Variants in NWD2 observed in about 807,000 individuals in gnomAD.
The protein encoded by NWD2 is NACHT and WD repeat domain containing 2, also known as NACHT and WD repeat domain-containing protein 2.
A neutral mutation model predicts 132.7 loss-of-function variants in NWD2; 37 were observed. The ratio of observed to expected loss-of-function variants is 0.28; its 90% CI spans 0.21 to 0.37. NWD2 has a LOEUF of 0.37. Ranked by LOEUF, NWD2 falls within the 10% of genes least tolerant of loss-of-function variation. The pLI is 1.00. For missense variants in NWD2, 1,592 were observed against 2,122.4 expected, an observed-to-expected ratio of 0.75 and a Z score of 4.91; for synonymous variants, 705 against 803.0, an observed-to-expected ratio of 0.88 and a Z score of 2.06.
Position 37,445,613 on chromosome 4 carries a change from G to A in NWD2, c.3625G>A (p.Ala1209Thr). 1.3e-6 allele frequency: 2 copies of A among 1,552,290 alleles called. No homozygotes were observed. Among genetic ancestry groups the A allele is most frequent in the Non-Finnish European group, 1.7e-6 (2 of 1,147,140 alleles). Residue 1209 changes from alanine to threonine, a missense_variant, in exon 7 of 7, where the codon GCC becomes ACC. Around this residue, in one of 7 missense-constraint regions of NWD2, gnomAD observed 1,071 missense variants for 1,398.0 expected, o/e 0.77. Coordinates refer to ENST00000309447, the MANE Select transcript of NWD2 (RefSeq NM_001144990.2). The surrounding 1 kb of genome is among the most constrained non-coding windows in gnomAD (Gnocchi z 4.7). ...EDQSAVLICK[A>T]LSIELLDTGL... ...CCAAAGTGCAGTTCTGATCTGTAAA[G>A]CCCTCAGCATTGAGCTCTTAGATAC...
intron 3 of NWD2, among the ~76,000 whole-genome samples, chr4:37,415,305 A>G (rs1025535046): frequency 1.3e-5 from 2 of 152,202 alleles, no homozygotes; most frequent in African/African-American, 2.4e-5. Flanking sequence ...GTGCATCACA[A>G]TGTGGTTCTA....
At chr4:37,268,738 G>C (rs1275863218) in intron 1 of NWD2, among the ~76,000 whole-genome samples, 1 of 151,346 alleles carries the variant, frequency 6.6e-6, no homozygotes, top group African/African-American at 2.4e-5. Flanking sequence ...TGAGGAATCA[G>C]TGTTTTAAGA....
intron 4 of NWD2, among the ~76,000 whole-genome samples, chr4:37,432,364 GA>G (rs71185140): frequency 0.45 from 62,493 of 138,344 alleles, 14,522 homozygotes; most frequent in Non-Finnish European, 0.54. Context: ...GGGTGAAGAA[GA>G]AAAAAAAAAA....
chr4:37,259,974 T>A (rs1382046959), intron 1 of NWD2, among the ~76,000 whole-genome samples: 1 of 152,248 alleles, frequency 6.6e-6, no homozygotes, highest in Non-Finnish European at 1.5e-5. Context: ...CTGTTTGTAC[T>A]ATGGTCTGGC....
intron 3 of NWD2, among the ~76,000 whole-genome samples, chr4:37,362,996 TATAAAC>T: frequency 1.3e-5 from 2 of 152,056 alleles, no homozygotes; most frequent in South Asian, 4.2e-4. Context: ...GGGCAAAAGA[TATAAAC>T]AGACACTTCT....
intron 1 of NWD2, among the ~76,000 whole-genome samples, chr4:37,283,854 A>G (rs1248014240): frequency 6.6e-6 from 1 of 152,186 alleles, no homozygotes; most frequent in East Asian, 1.9e-4. Context: ...GGAAATCTGG[A>G]TTCTGAGGAA....
chr4:37,361,895 G>T (rs1719989097), intron 3 of NWD2, among the ~76,000 whole-genome samples: 1 of 152,128 alleles, frequency 6.6e-6, no homozygotes, highest in African/African-American at 2.4e-5. Context: ...CTCTCTCCAT[G>T]TATGATGTGA....
chr4:37,253,534 AG>A (rs1252116493), intron 1 of NWD2, among the ~76,000 whole-genome samples: 3 of 152,160 alleles, frequency 2.0e-5, no homozygotes, highest in Non-Finnish European at 4.4e-5. Context: ...AGTTCTGGGA[AG>A]GTTAAATGAG....
intron 3 of NWD2, among the ~76,000 whole-genome samples, chr4:37,406,445 C>A (rs1418075257): frequency 6.6e-6 from 1 of 152,138 alleles, no homozygotes; most frequent in African/African-American, 2.4e-5. Context: ...TAGGTATACA[C>A]CCAAAGGATT....
chr4:37,282,813 T>A (rs1286443296), intron 1 of NWD2, among the ~76,000 whole-genome samples: 1 of 152,292 alleles, frequency 6.6e-6, no homozygotes, highest in South Asian at 2.1e-4. Flanking sequence ...ATCAAAGTTG[T>A]ATTTAGTTTT....
chr4:37,348,637 CAT>C (rs370439742), intron 2 of NWD2, among the ~76,000 whole-genome samples: 1,464 of 26,414 alleles, frequency 0.055, 50 homozygotes, highest in African/African-American at 0.098. Flanking sequence ...GTGGTTAATT[CAT>C]ATATATATAT....
In NWD2 at chr4:37,371,078, C is replaced by CTTTT. The variant is rs11378524; in HGVS notation, c.357+14610_357+14613dup. 9.1e-4 allele frequency among the ~76,000 whole-genome samples: 110 copies of CTTTT among 121,170 alleles called. 1 individual carries two copies. Among genetic ancestry groups the CTTTT allele is most frequent in the Non-Finnish European group, 1.5e-3 (92 of 61,792 alleles). The allele number at this position is 121,170 out of a possible 152,430, so 79.5% of individuals were successfully genotyped here. ...AGAAGTTCAATTTTTTTTTCTTTTT[C>CTTTT]TTTTTTTTTTTTTTTTTGAGACAGA... On this transcript the variant is annotated intron_variant, in intron 3 of 6. Transcript: ENST00000309447.
chr4:37,257,544 T>TA (rs1423073510), intron 1 of NWD2, among the ~76,000 whole-genome samples: 1 of 152,152 alleles, frequency 6.6e-6, no homozygotes, highest in African/African-American at 2.4e-5. Context: ...GCCTGAAAGA[T>TA]ACTAAGGACT....
chr4:37,297,330 A>T (rs1264254977), intron 1 of NWD2, among the ~76,000 whole-genome samples: 1 of 152,136 alleles, frequency 6.6e-6, no homozygotes, highest in African/African-American at 2.4e-5. Context: ...GTTATACTGT[A>T]TTATTTGTAT....
chr4:37,261,075 A>C (rs540829945), intron 1 of NWD2, among the ~76,000 whole-genome samples: 4 of 152,334 alleles, frequency 2.6e-5, no homozygotes, highest in African/African-American at 9.6e-5. Flanking sequence ...TCTGAGGGTC[A>C]AGCTTGTAGA....
chr4:37,308,893 A>AT (rs61217619), intron 1 of NWD2, among the ~76,000 whole-genome samples: 152,328 of 152,328 alleles, frequency 1, 76,164 homozygotes, highest in Non-Finnish European at 1. Context: ...CACTGATGGT[A>AT]TGGGCCCTAA....
intron 3 of NWD2, among the ~76,000 whole-genome samples, chr4:37,388,850 ACT>A (rs903982671): frequency 6.6e-6 from 1 of 150,518 alleles, no homozygotes; most frequent in Non-Finnish European, 1.5e-5. Flanking sequence ...TACCCCAGAC[ACT>A]CTGTACATGT....
chr4:37,428,351 G>A (rs957648901), intron 3 of NWD2, among the ~76,000 whole-genome samples: 2 of 152,184 alleles, frequency 1.3e-5, no homozygotes, highest in Non-Finnish European at 2.9e-5. Flanking sequence ...CCCCCAGATT[G>A]AACAGAAAGT....
At chr4:37,285,971 G>C (rs1027288143) in intron 1 of NWD2, among the ~76,000 whole-genome samples, 1 of 152,198 alleles carries the variant, frequency 6.6e-6, no homozygotes, top group Non-Finnish European at 1.5e-5. Flanking sequence ...CTTGGTGTTA[G>C]AATCATGACA....
Sources: allele counts gnomAD v4.1 joint callset (sites outside exome capture counted in the v4.1 genomes callset), GRCh38; gene constraint gnomAD v4.1.1; regional missense constraint gnomAD v4.1.1; non-coding constraint Gnocchi (gnomAD v3.1); transcripts MANE v1.5; gene names NCBI Gene and HGNC (gene_info 2026-07-23, HGNC 2026-07-21).